The following PPARGC1A variants were observed in gnomAD, a reference collection of about 807,000 sequenced individuals.
The protein encoded by PPARGC1A is peroxisome proliferator-activated receptor gamma coactivator 1-alpha.
A neutral mutation model predicts 88.7 loss-of-function variants in PPARGC1A; 25 were observed. That is an observed-to-expected ratio of 0.28 (90% CI 0.21 to 0.39). The LOEUF (loss-of-function observed/expected upper bound fraction) is 0.39. PPARGC1A is among the 10% of genes least tolerant of loss of function. The probability of loss-of-function intolerance (pLI) is 1.00; values close to 1 mark genes in which losing one functional copy is unlikely to be tolerated. For missense variants in PPARGC1A, 880 were observed against 968.7 expected (o/e 0.91, Z 1.22); for synonymous variants, 363 against 355.6 (o/e 1.02, Z -0.24).
the PPARGC1A span, among the ~76,000 whole-genome samples, chr4:24,182,901 G>C: frequency 6.6e-6 from 1 of 152,196 alleles, no homozygotes; most frequent in Admixed American, 6.5e-5. Flanking sequence ...ACACCAGGCT[G>C]TCCTGCGTGC....
At chr4:23,967,302 G>A in the PPARGC1A span, among the ~76,000 whole-genome samples, 2 of 152,150 alleles carry the variant, frequency 1.3e-5, no homozygotes, top group South Asian at 2.1e-4. Flanking sequence ...ACCATGCGCC[G>A]ATTATTAACA....
chr4:24,040,111 C>T, the PPARGC1A span, among the ~76,000 whole-genome samples: 1 of 152,144 alleles, frequency 6.6e-6, no homozygotes, highest in East Asian at 1.9e-4. Context: ...AACATGATAA[C>T]CAACCAATAG....
the PPARGC1A span, among the ~76,000 whole-genome samples, chr4:23,953,218 A>T: frequency 5.3e-5 from 8 of 152,258 alleles, no homozygotes; most frequent in South Asian, 1.7e-3. Flanking sequence ...AAATGTGTAA[A>T]AGAAATATAA....
chr4:24,424,070 C>T, the PPARGC1A span, among the ~76,000 whole-genome samples: 171 of 152,180 alleles, frequency 1.1e-3, 4 homozygotes, highest in South Asian at 2.9e-3. Context: ...TTGGGGGAAA[C>T]TTTTACTGTA....
the PPARGC1A span, among the ~76,000 whole-genome samples, chr4:24,123,085 A>G: frequency 6.6e-6 from 1 of 152,170 alleles, no homozygotes; most frequent in African/African-American, 2.4e-5. Flanking sequence ...GGCTGACGGT[A>G]GGTCCCCACT....
chr4:24,333,940 C>CAAAAAAAAAAA, the PPARGC1A span, among the ~76,000 whole-genome samples: 3 of 13,832 alleles, frequency 2.2e-4, no homozygotes, highest in Non-Finnish European at 2.9e-4. Flanking sequence ...ACAACAACAA[C>CAAAAAAAAAAA]AAAAAAAAAA....
chr4:23,816,385 G>A (rs1480137072), intron 7 of PPARGC1A, among the ~76,000 whole-genome samples: 1 of 152,140 alleles, frequency 6.6e-6, no homozygotes, highest in African/African-American at 2.4e-5. Flanking sequence ...TCATAGATAA[G>A]TATGTCTTTT....
chr4:23,891,417 A>C (rs189169828), upstream of PPARGC1A, among the ~76,000 whole-genome samples: 1 of 152,354 alleles, frequency 6.6e-6, no homozygotes, highest in East Asian at 1.9e-4. Flanking sequence ...TATTCTACTG[A>C]GGTTAATTTA....
chr4:24,056,557 T>C, the PPARGC1A span, among the ~76,000 whole-genome samples: 1 of 152,334 alleles, frequency 6.6e-6, no homozygotes, highest in East Asian at 1.9e-4. Context: ...TGTGTCGATA[T>C]GGCCAGCACA....
intron 2 of PPARGC1A, among the ~76,000 whole-genome samples, chr4:23,866,477 A>G (rs1712019192): frequency 6.6e-6 from 1 of 152,210 alleles, no homozygotes; most frequent in African/African-American, 2.4e-5. Context: ...GGATGTTTTA[A>G]AAATCTATAT....
the PPARGC1A span, among the ~76,000 whole-genome samples, chr4:24,281,238 A>G: frequency 2.0e-5 from 3 of 152,180 alleles, no homozygotes; most frequent in Admixed American, 6.5e-5. Flanking sequence ...TTGTGTTGCT[A>G]TGTAGGAATA....
the PPARGC1A span, among the ~76,000 whole-genome samples, chr4:24,051,009 A>G: frequency 6.6e-6 from 1 of 151,846 alleles, no homozygotes; most frequent in African/African-American, 2.4e-5. Context: ...AACATGGTGA[A>G]ACCCCGTCTC....
the PPARGC1A span, among the ~76,000 whole-genome samples, chr4:24,015,685 A>G: frequency 6.6e-6 from 1 of 151,938 alleles, no homozygotes; most frequent in African/African-American, 2.4e-5. Flanking sequence ...CACTTGGGAG[A>G]CTCTAGAAGG....
At chr4:24,211,801 G>A in the PPARGC1A span, among the ~76,000 whole-genome samples, 37 of 152,274 alleles carry the variant, frequency 2.4e-4, no homozygotes, top group African/African-American at 8.4e-4. Flanking sequence ...ATTTTTAAAT[G>A]AGCAAAACAA....
At chr4:23,965,696 C>T in the PPARGC1A span, among the ~76,000 whole-genome samples, 1 of 152,280 alleles carries the variant, frequency 6.6e-6, no homozygotes, top group East Asian at 1.9e-4. Context: ...TCTAGAAATC[C>T]TCTGCCTTCT....
At chr4:24,187,744 A>T in the PPARGC1A span, among the ~76,000 whole-genome samples, 3 of 152,206 alleles carry the variant, frequency 2.0e-5, no homozygotes, top group Non-Finnish European at 4.4e-5. Flanking sequence ...ACATGGGTAA[A>T]AAATATACAG....
the PPARGC1A span, among the ~76,000 whole-genome samples, chr4:24,108,026 A>G: frequency 6.6e-6 from 1 of 152,226 alleles, no homozygotes; most frequent in African/African-American, 2.4e-5. Flanking sequence ...CTCTACTTCA[A>G]ATTTTTCTAT....
At chr4:24,081,983 A>C in the PPARGC1A span, among the ~76,000 whole-genome samples, 1 of 152,122 alleles carries the variant, frequency 6.6e-6, no homozygotes, top group Non-Finnish European at 1.5e-5. Context: ...GTATACATGG[A>C]AAAGTGCTTT....
At chr4:23,816,996 A>G (rs1042456172) in intron 7 of PPARGC1A, among the ~76,000 whole-genome samples, 1 of 152,172 alleles carries the variant, frequency 6.6e-6, no homozygotes, top group African/African-American at 2.4e-5. Flanking sequence ...GAAACCGGGT[A>G]AACATTTTTA....
Sources: allele counts gnomAD v4.1 joint callset (sites outside exome capture counted in the v4.1 genomes callset), GRCh38; gene constraint gnomAD v4.1.1; transcripts MANE v1.5; gene names NCBI Gene and HGNC (gene_info 2026-07-23, HGNC 2026-07-21).